The following TMEM114 variants were observed in gnomAD, a reference collection of about 807,000 sequenced individuals.
TMEM114 encodes the protein claudin-26.
TMEM114 carries 6 observed loss-of-function variants against 6.2 expected under a neutral mutation model. The observed-to-expected ratio is 0.97, with a 90% CI of 0.53 to 1.91. The LOEUF is 1.91. TMEM114 is among the 40% of genes most tolerant of loss of function. TMEM114 has a pLI of 0.01. For synonymous variants in TMEM114, 104 were observed against 73.0 expected (o/e 1.42, Z -2.16); for missense variants, 218 against 158.3 (o/e 1.38, Z -2.02).
chr16:8,550,698 A>T (rs1482477803), intron 2 of TMEM114, among the ~76,000 whole-genome samples: 1 of 89,874 alleles, frequency 1.1e-5, no homozygotes, highest in Non-Finnish European at 2.1e-5. Flanking sequence ...AAAAAAAAAA[A>T]CCAAAAAAAA....
At chr16:8,558,287 G>T (rs1162072665) in intron 2 of TMEM114, among the ~76,000 whole-genome samples, 1 of 152,116 alleles carries the variant, frequency 6.6e-6, no homozygotes, top group Admixed American at 6.6e-5. Flanking sequence ...AAATCAAGGT[G>T]TCAGGTGGGC....
rs2141630420 is a variant in TMEM114 at position 8,590,029 on chromosome 16, C to T, written c.-191G>A. Reference sequence around the variant, plus strand: ...GACCCTGGCTCCTCACCTGCCGGCTCCGACCTGCACGCGCCCCCCGCTCAG... The same window carrying T: ...GACCCTGGCTCCTCACCTGCCGGCTTCGACCTGCACGCGCCCCCCGCTCAG... On this transcript the variant is annotated 5_prime_UTR_variant, in exon 1 of 4. Transcript: ENST00000620492. The T allele has an allele frequency of 2.6e-6, 1 of 381,208 alleles. No homozygotes were observed. The highest frequency in any genetic ancestry group is 4.6e-6 in the Non-Finnish European group (1 of 215,698). 23.6% of individuals were successfully genotyped at this position (381,208 alleles called of 1,614,324 possible). A position where few individuals can be genotyped will look rare whatever the true frequency, so the allele number is the denominator to read the frequency against.
At chr16:8,555,111 C>G (rs916421874) in intron 2 of TMEM114, among the ~76,000 whole-genome samples, 1 of 152,180 alleles carries the variant, frequency 6.6e-6, no homozygotes, top group African/African-American at 2.4e-5. Context: ...CTGGTTTTGC[C>G]CATGTGAGTT....
chr16:8,528,913 G>A, the TMEM114 span, among the ~76,000 whole-genome samples: 1 of 152,152 alleles, frequency 6.6e-6, no homozygotes, highest in Non-Finnish European at 1.5e-5. Flanking sequence ...TTTGAGTAAT[G>A]CTATTGTTTG....
intron 2 of TMEM114, among the ~76,000 whole-genome samples, chr16:8,539,374 C>T (rs1567193466): frequency 6.6e-6 from 1 of 152,174 alleles, no homozygotes; most frequent in Non-Finnish European, 1.5e-5. Flanking sequence ...CCCACTTACC[C>T]AGAATACTTG....
intron 2 of TMEM114, among the ~76,000 whole-genome samples, chr16:8,577,023 A>G (rs908775056): frequency 6.6e-6 from 1 of 152,198 alleles, no homozygotes; most frequent in African/African-American, 2.4e-5. Flanking sequence ...AGTAAATTTT[A>G]AAGGAAAGCA....
At chr16:8,532,934 A>G (rs1300239032), downstream of TMEM114, among the ~76,000 whole-genome samples, 1 of 152,190 alleles carries the variant, frequency 6.6e-6, no homozygotes, top group Non-Finnish European at 1.5e-5. Context: ...AAAAAAAGGA[A>G]AAAAAATAAA....
At chr16:8,586,164 G>C (rs905483633) in intron 2 of TMEM114, among the ~76,000 whole-genome samples, 2 of 152,230 alleles carry the variant, frequency 1.3e-5, no homozygotes, top group Non-Finnish European at 2.9e-5. Flanking sequence ...ACTACCTCTA[G>C]AAGGAGGCTG....
downstream of TMEM114, among the ~76,000 whole-genome samples, chr16:8,537,259 G>T (rs1900388075): frequency 6.6e-6 from 1 of 152,128 alleles, no homozygotes; most frequent in Non-Finnish European, 1.5e-5. Flanking sequence ...CCAGCACTTT[G>T]GGAGGCCAAG....
chr16:8,573,288 G>A (rs942572339), intron 2 of TMEM114, among the ~76,000 whole-genome samples: 3 of 152,286 alleles, frequency 2.0e-5, no homozygotes, highest in South Asian at 4.1e-4. Context: ...AGAGCCAAAC[G>A]GATCCACCTG....
At chr16:8,567,263 A>T (rs1368755171), downstream of TMEM114, among the ~76,000 whole-genome samples, 1 of 151,966 alleles carries the variant, frequency 6.6e-6, no homozygotes, top group African/African-American at 2.4e-5. Context: ...AATCTCTCAG[A>T]TAGATTATTG....
intron 2 of TMEM114, among the ~76,000 whole-genome samples, chr16:8,550,135 C>A (rs187009403): frequency 2.0e-5 from 3 of 152,322 alleles, no homozygotes; most frequent in Admixed American, 2.0e-4. Context: ...AGCAAGTCAG[C>A]TTCTTCCACC....
At chr16:8,552,380 T>C (rs369438658) in intron 2 of TMEM114, among the ~76,000 whole-genome samples, 4 of 152,034 alleles carry the variant, frequency 2.6e-5, no homozygotes, top group African/African-American at 9.7e-5. Context: ...TGAGACTCTA[T>C]TTCTTTAAAA....
At chr16:8,561,974 G>A (rs372472263) in intron 2 of TMEM114, among the ~76,000 whole-genome samples, 13 of 151,382 alleles carry the variant, frequency 8.6e-5, no homozygotes, top group African/African-American at 2.9e-4. Context: ...GGGAATGAGT[G>A]AGTGAATGAG....
At chr16:8,587,335 T>C (rs1270504319) in intron 2 of TMEM114, among the ~76,000 whole-genome samples, 1 of 152,236 alleles carries the variant, frequency 6.6e-6, no homozygotes, top group Admixed American at 6.5e-5. Flanking sequence ...CCAGGTTCTA[T>C]GCTAAATATT....
chr16:8,557,001 T>A (rs1335455256), intron 2 of TMEM114, among the ~76,000 whole-genome samples: 2 of 151,928 alleles, frequency 1.3e-5, no homozygotes, highest in Non-Finnish European at 2.9e-5. Context: ...GAGCTGGAGG[T>A]GTCTGAGATC....
chr16:8,533,960 C>T (rs970286737), downstream of TMEM114, among the ~76,000 whole-genome samples: 4 of 152,108 alleles, frequency 2.6e-5, no homozygotes, highest in African/African-American at 9.7e-5. Flanking sequence ...GACATCTGAC[C>T]ACGAAAGGCA....
At chr16:8,552,714 A>G (rs1481588081) in intron 2 of TMEM114, among the ~76,000 whole-genome samples, 6 of 151,638 alleles carry the variant, frequency 4.0e-5, no homozygotes. Context: ...AGGAAAAAAA[A>G]AAAAAAGACA....
Position 8,543,469 on chromosome 16 carries a change from T to C in TMEM114, n.213-5643A>G, listed in dbSNP as rs28608115. Among the ~76,000 whole-genome samples the C allele has an allele frequency of 2.7e-5, 3 of 110,854 alleles. 1 individual carries two copies. In the South Asian group the frequency reaches 9.6e-4, roughly 35 times the overall value. The allele number at this position is 110,854 out of a possible 152,430, so 72.7% of individuals were successfully genotyped here. ...GCGTCATGCAATGGTGCACCTTGCA[T>C]CATGCAATGGTGCACCTTGCACCAT... On this transcript the variant is annotated intron_variant and non_coding_transcript_variant, in intron 2 of 2. Coordinates refer to the TMEM114 transcript ENST00000623677.
Sources: allele counts gnomAD v4.1 joint callset (sites outside exome capture counted in the v4.1 genomes callset), GRCh38; gene constraint gnomAD v4.1.1; transcripts MANE v1.5; gene names NCBI Gene and HGNC (gene_info 2026-07-23, HGNC 2026-07-21).